The following DSCAML1 variants were observed in gnomAD, a reference collection of about 807,000 sequenced individuals.
DSCAML1 encodes the protein DS cell adhesion molecule like 1.
DSCAML1 carries 38 observed loss-of-function variants against 200.5 expected under a neutral mutation model. That is an observed-to-expected ratio of 0.19 (90% confidence interval 0.15 to 0.25). The LOEUF (loss-of-function observed/expected upper bound fraction) is 0.25. Among genes scored for constraint, DSCAML1 ranks in the 10% least tolerant of loss-of-function variants. The pLI is 1.00. For synonymous variants in DSCAML1, 1,215 were observed against 1,165.0 expected (o/e 1.04, Z -0.87); for missense variants, 2,223 against 2,858.8 (o/e 0.78, Z 5.07).
At chr11:117,644,442 T>G (rs1348661389) in intron 3 of DSCAML1, among the ~76,000 whole-genome samples, 1 of 152,216 alleles carries the variant, frequency 6.6e-6, no homozygotes, top group African/African-American at 2.4e-5. Flanking sequence ...AGTGTGCCCA[T>G]GCACATCCAC....
intron 5 of DSCAML1, among the ~76,000 whole-genome samples, chr11:117,521,815 A>G (rs1401966799): frequency 6.6e-6 from 1 of 152,132 alleles, no homozygotes; most frequent in East Asian, 1.9e-4. Flanking sequence ...CGGAGATAAC[A>G]CATTGCTATG....
chr11:117,778,415 G>A (rs546244183), intron 2 of DSCAML1, among the ~76,000 whole-genome samples: 1 of 152,324 alleles, frequency 6.6e-6, no homozygotes, highest in African/African-American at 2.4e-5. Context: ...AGAGGTTAAT[G>A]GCTAACGGCA....
Position 117,428,621 on chromosome 11 carries a change from G to T in DSCAML1, c.5869C>A (p.His1957Asn). 7.5e-6 allele frequency: 12 copies of T among 1,609,460 alleles called. No homozygotes were observed. The highest frequency in any genetic ancestry group is 1.0e-5 in the Non-Finnish European group (12 of 1,178,268). ...DPASKSLGLP[H>N]PGAPAAASTA... Reference sequence around the variant, plus strand: ...GAGGCGGCAGCGGGGGCCCCTGGGTGGGGAAGGCCCAAGGACTTGCTGGCA... The same window carrying T: ...GAGGCGGCAGCGGGGGCCCCTGGGTTGGGAAGGCCCAAGGACTTGCTGGCA... The change falls in exon 33 of 33, where the codon CAC becomes AAC. Residue 1957 changes from histidine to asparagine, a missense_variant. His to Asn is a moderately conservative substitution (Grantham distance 68). Coordinates refer to ENST00000651296, the MANE Select transcript of DSCAML1 (RefSeq NM_020693.4).
At chr11:117,817,344 GCT>G (rs1203610250) in intron 1 of DSCAML1, 1 of 152,898 alleles carries the variant, frequency 6.5e-6, no homozygotes, top group East Asian at 1.9e-4. Context: ...GCCCTCACCT[GCT>G]CCGCCTGGCT....
At chr11:117,671,158 T>TGTTTGATA (rs2053098311) in intron 3 of DSCAML1, among the ~76,000 whole-genome samples, 3 of 152,088 alleles carry the variant, frequency 2.0e-5, no homozygotes, top group African/African-American at 2.4e-5. Flanking sequence ...CCTGCAGCAG[T>TGTTTGATA]GTTTGATATG....
chr11:117,695,305 CTTTCTT>C (rs2053568075), intron 3 of DSCAML1, among the ~76,000 whole-genome samples: 4 of 131,248 alleles, frequency 3.0e-5, no homozygotes, highest in South Asian at 4.8e-4. Flanking sequence ...TCTTTTCTTT[CTTTCTT>C]TTTCTTTTTT....
intron 3 of DSCAML1, among the ~76,000 whole-genome samples, chr11:117,658,648 A>T (rs1046694028): frequency 9.3e-4 from 141 of 152,240 alleles, no homozygotes; most frequent in Non-Finnish European, 1.4e-3. Context: ...ACCTGGACCA[A>T]CAAAAGGTTA....
intron 1 of DSCAML1, among the ~76,000 whole-genome samples, chr11:117,816,465 A>G (rs2055807870): frequency 6.6e-6 from 1 of 152,228 alleles, no homozygotes; most frequent in Non-Finnish European, 1.5e-5. Flanking sequence ...TTGGTGAGGC[A>G]CAGATTACCC....
chr11:117,566,569 TTTTATTTA>T (rs766938997), intron 3 of DSCAML1, among the ~76,000 whole-genome samples: 1 of 151,530 alleles, frequency 6.6e-6, no homozygotes, highest in African/African-American at 2.4e-5. Context: ...TTTTTGTTTG[TTTTATTTA>T]TTTATTTATT....
intron 1 of DSCAML1, among the ~76,000 whole-genome samples, chr11:117,802,350 G>C (rs2055667989): frequency 1.3e-5 from 2 of 152,118 alleles, no homozygotes; most frequent in Non-Finnish European, 2.9e-5. Flanking sequence ...GTCTAGAATT[G>C]TGGCTATTTA....
chr11:117,816,955 G>C (rs1305590430), intron 1 of DSCAML1, among the ~76,000 whole-genome samples: 1 of 152,160 alleles, frequency 6.6e-6, no homozygotes, highest in Non-Finnish European at 1.5e-5. Flanking sequence ...GGAAGTCCAG[G>C]CCACCCAGCC....
At chr11:117,783,960 T>G (rs889462616) in intron 1 of DSCAML1, among the ~76,000 whole-genome samples, 1 of 152,138 alleles carries the variant, frequency 6.6e-6, no homozygotes, top group Non-Finnish European at 1.5e-5. Context: ...ACAGCCACAA[T>G]GACAGCAGCC....
intron 3 of DSCAML1, among the ~76,000 whole-genome samples, chr11:117,579,564 C>T (rs1347066918): frequency 6.6e-6 from 1 of 152,240 alleles, no homozygotes; most frequent in Non-Finnish European, 1.5e-5. Flanking sequence ...CCACCCGATT[C>T]AAAGTAGATA....
At chr11:117,649,848 G>C (rs1245826314) in intron 3 of DSCAML1, among the ~76,000 whole-genome samples, 2 of 152,076 alleles carry the variant, frequency 1.3e-5, no homozygotes, top group Admixed American at 1.3e-4. Context: ...TGCTCCTTCC[G>C]TGCCTCCGCC....
At chr11:117,430,607 A>G in intron 32 of DSCAML1, 115 bp downstream of exon 32, 3 of 1,276,750 alleles carry the variant, frequency 2.3e-6, no homozygotes, top group Non-Finnish European at 3.2e-6. Context: ...ACTGCCAAGG[A>G]GCCAAGCTGG....
At chr11:117,514,378 C>T (rs964809219) in intron 8 of DSCAML1, among the ~76,000 whole-genome samples, 2 of 152,114 alleles carry the variant, frequency 1.3e-5, no homozygotes, top group Non-Finnish European at 2.9e-5. Flanking sequence ...GTCTCTTCCA[C>T]ACCCTCCCTG....
intron 2 of DSCAML1, among the ~76,000 whole-genome samples, chr11:117,778,340 C>A (rs1040800285): frequency 6.6e-6 from 1 of 152,138 alleles, no homozygotes; most frequent in Non-Finnish European, 1.5e-5. Context: ...TGGAGGGAGG[C>A]AAGGTGGTGG....
chr11:117,782,037 G>A (rs79516635), intron 1 of DSCAML1, among the ~76,000 whole-genome samples: 2,512 of 152,278 alleles, frequency 0.016, 65 homozygotes, highest in African/African-American at 0.056. Context: ...CAGGGTCCCA[G>A]GTCTCTAGCC....
At chr11:117,609,027 CA>C (rs746493110) in intron 3 of DSCAML1, among the ~76,000 whole-genome samples, 19 of 110,942 alleles carry the variant, frequency 1.7e-4, no homozygotes, top group African/African-American at 3.8e-4. Context: ...AACAAACAAA[CA>C]AACAAACAAA....
Sources: allele counts gnomAD v4.1 joint callset (sites outside exome capture counted in the v4.1 genomes callset), GRCh38; gene constraint gnomAD v4.1.1; transcripts MANE v1.5; gene names NCBI Gene and HGNC (gene_info 2026-07-23, HGNC 2026-07-21).